Variants in UST observed in about 807,000 individuals in gnomAD.
UST encodes the protein chondroitin sulfate 2-O-sulfotransferase.
In UST, 21 loss-of-function variants were observed where a neutral mutation model predicts 45.6. The observed-to-expected ratio is 0.46, with a 90% CI of 0.33 to 0.66. The LOEUF (loss-of-function observed/expected upper bound fraction) is 0.66. Among genes scored for constraint, UST ranks in the 30% least tolerant of loss-of-function variants. UST has a pLI of 0.02. For missense variants in UST, 463 were observed against 512.4 expected, an observed-to-expected ratio of 0.90 and a Z score of 0.93; for synonymous variants, 215 against 200.6, an observed-to-expected ratio of 1.07 and a Z score of -0.61.
intron 4 of UST, among the ~76,000 whole-genome samples, chr6:148,960,270 C>G (rs1169722214): frequency 6.6e-6 from 1 of 152,146 alleles, no homozygotes; most frequent in African/African-American, 2.4e-5. Context: ...GCCTGGGCAA[C>G]AAGAGCGAAA....
At chr6:148,905,211 A>G (rs1311112244) in intron 2 of UST, among the ~76,000 whole-genome samples, 2 of 152,234 alleles carry the variant, frequency 1.3e-5, no homozygotes, top group East Asian at 3.9e-4. Flanking sequence ...CTGTTTTCCA[A>G]ACCTCTGAGT....
chr6:148,810,980 G>A (rs1158706903), intron 1 of UST, among the ~76,000 whole-genome samples: 1 of 152,098 alleles, frequency 6.6e-6, no homozygotes, highest in African/African-American at 2.4e-5. Flanking sequence ...TTCCAAGCTG[G>A]CATTTTCAAG....
At chr6:148,864,809 C>T (rs770255886) in intron 1 of UST, among the ~76,000 whole-genome samples, 2 of 152,156 alleles carry the variant, frequency 1.3e-5, no homozygotes, top group Non-Finnish European at 1.5e-5. Flanking sequence ...GGTCTAGTGT[C>T]CAGTTTACAG....
At chr6:148,865,230 C>A (rs988010287) in intron 1 of UST, among the ~76,000 whole-genome samples, 2 of 152,124 alleles carry the variant, frequency 1.3e-5, no homozygotes, top group South Asian at 4.1e-4. Context: ...TCTTTCCTGG[C>A]GTGTTGGTCA....
At chr6:148,935,779 CCTT>C (rs1181065581) in intron 2 of UST, among the ~76,000 whole-genome samples, 1 of 152,146 alleles carries the variant, frequency 6.6e-6, no homozygotes, top group African/African-American at 2.4e-5. Flanking sequence ...CATCCTGCCA[CCTT>C]CTTCTCCAAT....
chr6:148,827,982 G>GA (rs1777606551), intron 1 of UST, among the ~76,000 whole-genome samples: 1 of 151,698 alleles, frequency 6.6e-6, no homozygotes, highest in African/African-American at 2.4e-5. Flanking sequence ...TCTTTTTGGA[G>GA]AAAAAAAGCT....
chr6:148,898,034 A>G (rs924087406), intron 2 of UST, among the ~76,000 whole-genome samples: 1 of 152,140 alleles, frequency 6.6e-6, no homozygotes, highest in South Asian at 2.1e-4. Context: ...AAAAGTACAA[A>G]AGTGAAGCTG....
chr6:148,856,673 T>G (rs1778211605), intron 1 of UST, among the ~76,000 whole-genome samples: 1 of 152,162 alleles, frequency 6.6e-6, no homozygotes, highest in Non-Finnish European at 1.5e-5. Flanking sequence ...GTAAATCACG[T>G]GTTTATGCGT....
chr6:148,968,632 A>C (rs1307641814), intron 5 of UST, among the ~76,000 whole-genome samples: 4 of 152,242 alleles, frequency 2.6e-5, no homozygotes, highest in Non-Finnish European at 1.5e-5. Flanking sequence ...AATGGTGGAA[A>C]GCTTTTTCTA....
At chr6:148,867,568 A>G (rs1444506348) in intron 1 of UST, among the ~76,000 whole-genome samples, 2 of 152,118 alleles carry the variant, frequency 1.3e-5, no homozygotes, top group Non-Finnish European at 2.9e-5. Context: ...TCCTGGGGGC[A>G]GTTTCCCCCA....
At chr6:148,963,273 C>G (rs1160839985) in intron 4 of UST, among the ~76,000 whole-genome samples, 2 of 152,178 alleles carry the variant, frequency 1.3e-5, no homozygotes, top group African/African-American at 4.8e-5. Context: ...TGACCCCTGA[C>G]AGAATGTCCA....
At chr6:148,998,856 G>A (rs2115000740) in intron 5 of UST, among the ~76,000 whole-genome samples, 1 of 152,340 alleles carries the variant, frequency 6.6e-6, no homozygotes, top group Non-Finnish European at 1.5e-5. Context: ...GCATAGCACT[G>A]CAGCCCAGGT....
In UST at chr6:149,014,388, AAGAACTAGAACT is replaced by A. The variant is rs1425057188; in HGVS notation, c.682-4748_682-4737del. On this transcript the variant is annotated intron_variant, in intron 5 of 7. Transcript: ENST00000367463. ...CCAATGTTGGGAGCAGATCTAGCCT[AAGAACTAGAACT>A]AGGTTAGAGTGCCAGGTCCCAGCTG... Among the ~76,000 whole-genome samples, 14 of 152,220 alleles carry A rather than the reference AAGAACTAGAACT, an allele frequency of 9.2e-5. 1 individual carries two copies. Among genetic ancestry groups the A allele is most frequent in the Non-Finnish European group, 1.8e-4 (12 of 68,028 alleles).
At position 148,968,769 on chromosome 6, in the gene UST, G is replaced by A. The variant is rs1452466453; in HGVS notation, c.681+4206G>A. ...TTATGCTGTCATTTTCACCCTGCTG[G>A]TTACACATCAAGTTCTCAAAAATGT... is the stretch of plus-strand genomic sequence containing the variant. On this transcript the variant is annotated intron_variant, in intron 5 of 7. Coordinates refer to ENST00000367463, the MANE Select transcript of UST (RefSeq NM_005715.3). 2.0e-5 allele frequency among the ~76,000 whole-genome samples: 3 copies of A among 152,114 alleles called. No homozygotes were observed. The East Asian group carries it at 5.8e-4, about 29-fold the overall frequency.
intron 5 of UST, among the ~76,000 whole-genome samples, chr6:149,017,970 A>G (rs1369159254): frequency 6.6e-6 from 1 of 151,502 alleles, no homozygotes; most frequent in Non-Finnish European, 1.5e-5. Context: ...GCACCCCCCT[A>G]TTCACTTCTC....
intron 1 of UST, among the ~76,000 whole-genome samples, chr6:148,782,882 G>A (rs989854080): frequency 6.6e-6 from 1 of 152,208 alleles, no homozygotes; most frequent in African/African-American, 2.4e-5. Context: ...AGTGGATAAA[G>A]CAGCTGCAGA....
intron 7 of UST, among the ~76,000 whole-genome samples, chr6:149,071,615 A>G (rs1480579977): frequency 1.3e-5 from 2 of 152,226 alleles, no homozygotes; most frequent in African/African-American, 4.8e-5. Context: ...AGAAAAATGG[A>G]TAAAATAGTC....
At chr6:148,860,374 AT>A (rs1778287233) in intron 1 of UST, among the ~76,000 whole-genome samples, 1 of 152,222 alleles carries the variant, frequency 6.6e-6, no homozygotes, top group South Asian at 2.1e-4. Context: ...GAAGTTGCTT[AT>A]CAGCTTAAGG....
At chr6:148,770,440 G>A (rs1371195950) in intron 1 of UST, among the ~76,000 whole-genome samples, 2 of 151,610 alleles carry the variant, frequency 1.3e-5, no homozygotes, top group Non-Finnish European at 2.9e-5. Flanking sequence ...CAGAAACCAT[G>A]GTAGGGGAAG....
Sources: allele counts gnomAD v4.1 joint callset (sites outside exome capture counted in the v4.1 genomes callset), GRCh38; gene constraint gnomAD v4.1.1; transcripts MANE v1.5; gene names NCBI Gene and HGNC (gene_info 2026-07-23, HGNC 2026-07-21).